The following SERPINB5 variants were observed in gnomAD, a reference collection of about 807,000 sequenced individuals.
SERPINB5 encodes serpin B5.
A neutral mutation model predicts 32.2 loss-of-function variants in SERPINB5; 27 were observed. That is an observed-to-expected ratio of 0.84 (90% CI 0.62 to 1.16). The LOEUF is 1.16. Among genes scored for constraint, SERPINB5 ranks in the 50% most tolerant of loss-of-function variants. SERPINB5 has a pLI of 0.00. For synonymous variants in SERPINB5, 154 were observed against 157.4 expected, an observed-to-expected ratio of 0.98 and a Z score of 0.16; for missense variants, 388 against 436.3, an observed-to-expected ratio of 0.89 and a Z score of 0.99.
intron 2 of SERPINB5, chr18:63,486,138 A>G (rs1345818456): frequency 6.6e-6 from 1 of 152,216 alleles, no homozygotes; most frequent in East Asian, 1.9e-4. Flanking sequence ...CGTGTTTTAC[A>G]TATAAGTAAT....
chr18:63,490,508 A>T (rs1909310370), intron 4 of SERPINB5: 1 of 152,190 alleles, frequency 6.6e-6, no homozygotes, highest in Non-Finnish European at 1.5e-5. Context: ...GCCGGGCCGA[A>T]TCTAGTCATG....
At chr18:63,480,873 C>G (rs970175724) in intron 1 of SERPINB5, among the ~76,000 whole-genome samples, 7 of 152,218 alleles carry the variant, frequency 4.6e-5, no homozygotes, top group African/African-American at 1.2e-4. Flanking sequence ...AAACAATGCT[C>G]TTGCCACTGG....
chr18:63,480,648 T>C (rs981462038), intron 1 of SERPINB5, among the ~76,000 whole-genome samples: 8 of 152,250 alleles, frequency 5.3e-5, no homozygotes, highest in Admixed American at 5.2e-4. Context: ...TTTGATTGTC[T>C]TGCAACACAG....
rs1455556 is a variant in SERPINB5 at position 63,503,488 on chromosome 18, T to G, written c.894T>G (p.Ser298Arg). Reference protein sequence around the residue: ...LENLGLKHIFSEDTSDFSGMS... With the variant: ...LENLGLKHIFREDTSDFSGMS... ...ATCTAGGGCTGAAACATATCTTCAG[T>G]GAAGACACATCTGATTTCTCTGGAA... Residue 298 changes from serine to arginine, a missense_variant, in exon 7 of 7, where the codon AGT becomes AGG. Coordinates refer to ENST00000382771, the MANE Select transcript of SERPINB5 (RefSeq NM_002639.5). 1.2e-6 allele frequency: 2 copies of G among 1,613,916 alleles called. No individual in the cohort carries two copies. The highest frequency in any genetic ancestry group is 1.7e-5 in the Admixed American group (1 of 59,994).
chr18:63,494,151 A>G (rs143570398), intron 5 of SERPINB5, among the ~76,000 whole-genome samples: 1,808 of 150,996 alleles, frequency 0.012, 31 homozygotes, highest in African/African-American at 0.042. Flanking sequence ...GTAAAACCCC[A>G]TCTCTACTAA....
chr18:63,487,885 A>G (rs1278966267), intron 3 of SERPINB5, among the ~76,000 whole-genome samples: 1 of 152,138 alleles, frequency 6.6e-6, no homozygotes, highest in African/African-American at 2.4e-5. Flanking sequence ...TGATTTTGCA[A>G]CTTTCTGCAG....
At position 63,499,111 on chromosome 18, in the gene SERPINB5, C is replaced by G; in HGVS notation, c.568-9C>G. 6.8e-7 allele frequency: 1 copy of G among 1,461,076 alleles called. No individual in the cohort carries two copies. The allele number at this position is 1,461,076 out of a possible 1,614,324, so 90.5% of individuals were successfully genotyped here. A position where few individuals can be genotyped will look rare whatever the true frequency, so the allele number is the denominator to read the frequency against. ...GAAAAGTAAGCAGTCCAAATTTTCC[C>G]TTTTACAGACAGACACCAAACCAGT... On this transcript the variant is annotated splice_polypyrimidine_tract_variant and intron_variant, in intron 5 of 6. Coordinates refer to ENST00000382771, the MANE Select transcript of SERPINB5 (RefSeq NM_002639.5).
intron 4 of SERPINB5, 85 bp from the exon 5 acceptor site, chr18:63,492,867 TA>T (rs1052352675): frequency 1.3e-6 from 2 of 1,505,804 alleles, no homozygotes; most frequent in African/African-American, 2.8e-5. Context: ...CATGAAGTGG[TA>T]AATACTCAGT....
intron 3 of SERPINB5, among the ~76,000 whole-genome samples, chr18:63,487,951 T>C (rs1917240433): frequency 6.6e-6 from 1 of 152,010 alleles, no homozygotes; most frequent in Non-Finnish European, 1.5e-5. Flanking sequence ...ATATTGTGAG[T>C]ATATTTTTTG....
At chr18:63,502,783 C>T (rs942618951) in intron 6 of SERPINB5, among the ~76,000 whole-genome samples, 9 of 152,090 alleles carry the variant, frequency 5.9e-5, no homozygotes, top group Non-Finnish European at 1.0e-4. Context: ...CTTTGGGAGG[C>T]TGAGGCTGGC....
intron 4 of SERPINB5, 146 bp downstream of exon 4, chr18:63,489,610 C>A: frequency 1.7e-6 from 1 of 587,394 alleles, no homozygotes; most frequent in Admixed American, 3.2e-5. Flanking sequence ...CCCTTCAAGC[C>A]TGTAAACAAC....
chr18:63,477,451 G>A (rs1277656149), intron 1 of SERPINB5, among the ~76,000 whole-genome samples: 3 of 152,150 alleles, frequency 2.0e-5, no homozygotes, highest in Non-Finnish European at 2.9e-5. Context: ...TGTGGTACCC[G>A]CAAACTGGGG....
At chr18:63,487,871 A>G (rs920281762) in intron 3 of SERPINB5, among the ~76,000 whole-genome samples, 3 of 152,196 alleles carry the variant, frequency 2.0e-5, no homozygotes, top group African/African-American at 7.2e-5. Flanking sequence ...TAAATATTTT[A>G]CCATGATTTT....
chr18:63,485,238 A>G (rs750707971), intron 2 of SERPINB5, among the ~76,000 whole-genome samples: 7 of 152,158 alleles, frequency 4.6e-5, no homozygotes, highest in South Asian at 2.1e-4. Context: ...CTTTCTGGCT[A>G]TGGTTGATTA....
chr18:63,491,283 T>G (rs946714005), intron 4 of SERPINB5, among the ~76,000 whole-genome samples: 2 of 150,654 alleles, frequency 1.3e-5, no homozygotes, highest in African/African-American at 4.9e-5. Context: ...GCACCTGTAG[T>G]CCCAGCTACT....
At chr18:63,481,580 T>C (rs1917128038) in intron 1 of SERPINB5, among the ~76,000 whole-genome samples, 1 of 152,260 alleles carries the variant, frequency 6.6e-6, no homozygotes. Flanking sequence ...TAGGCTTCTC[T>C]ATTTGGTGAA....
chr18:63,487,415 T>TA (rs1426982160), intron 3 of SERPINB5, among the ~76,000 whole-genome samples: 12 of 152,212 alleles, frequency 7.9e-5, no homozygotes, highest in Non-Finnish European at 1.5e-4. Context: ...TGAGCTGTCT[T>TA]ACAGAGTGTA....
At chr18:63,480,208 A>G (rs997146620) in intron 1 of SERPINB5, among the ~76,000 whole-genome samples, 3 of 152,364 alleles carry the variant, frequency 2.0e-5, no homozygotes, top group African/African-American at 7.2e-5. Context: ...TAATTTGCAC[A>G]GATTGCGAAA....
At chr18:63,481,455 G>A (rs1166384501) in intron 1 of SERPINB5, among the ~76,000 whole-genome samples, 2 of 152,200 alleles carry the variant, frequency 1.3e-5, no homozygotes, top group Non-Finnish European at 2.9e-5. Flanking sequence ...TAATAAATAC[G>A]TGCTTGGAGG....
Sources: gnomAD v4.1 joint callset for allele counts (sites outside exome capture counted in the v4.1 genomes callset) on GRCh38, gnomAD v4.1.1 for gene constraint, MANE v1.5 for transcripts, NCBI Gene and HGNC (gene_info 2026-07-23, HGNC 2026-07-21) for gene names.